The following ITFG1 variants were observed in gnomAD, a reference collection of about 807,000 sequenced individuals.
ITFG1 encodes the protein T-cell immunomodulatory protein.
Under a neutral mutation model 81.8 loss-of-function variants are expected in ITFG1, and 34 were observed. That is an observed-to-expected ratio of 0.42 (90% CI 0.32 to 0.55). The LOEUF (loss-of-function observed/expected upper bound fraction) is 0.55, where lower values mean the gene tolerates loss of function less well. Ranked by LOEUF, ITFG1 falls within the 20% of genes least tolerant of loss-of-function variation. The pLI is 0.17. For synonymous variants in ITFG1, 285 were observed against 270.6 expected, an observed-to-expected ratio of 1.05 and a Z score of -0.52; for missense variants, 672 against 755.4, an observed-to-expected ratio of 0.89 and a Z score of 1.29.
At chr16:47,264,352 C>T (rs1966248608) in intron 10 of ITFG1, among the ~76,000 whole-genome samples, 1 of 152,030 alleles carries the variant, frequency 6.6e-6, no homozygotes, top group African/African-American at 2.4e-5. Context: ...TGACTGAAGA[C>T]TTTTGATCCC....
intron 14 of ITFG1, among the ~76,000 whole-genome samples, chr16:47,175,697 G>A (rs1244243723): frequency 1.3e-5 from 2 of 152,116 alleles, no homozygotes; most frequent in Non-Finnish European, 1.5e-5. Flanking sequence ...TCTGGGAATC[G>A]GGAACATTGT....
intron 8 of ITFG1, among the ~76,000 whole-genome samples, chr16:47,356,784 G>T (rs761904075): frequency 2.0e-5 from 3 of 152,164 alleles, no homozygotes; most frequent in Non-Finnish European, 2.9e-5. Flanking sequence ...GAGTTACGGA[G>T]GGGAAAATAT....
At chr16:47,408,285 A>C (rs1968754983) in intron 6 of ITFG1, among the ~76,000 whole-genome samples, 1 of 152,210 alleles carries the variant, frequency 6.6e-6, no homozygotes, top group Non-Finnish European at 1.5e-5. Flanking sequence ...AGAAATTTTC[A>C]GGTTATGTTT....
At chr16:47,398,222 T>C (rs1227125892) in intron 6 of ITFG1, among the ~76,000 whole-genome samples, 1 of 151,976 alleles carries the variant, frequency 6.6e-6, no homozygotes, top group South Asian at 2.1e-4. Flanking sequence ...ATTTCCTCTG[T>C]CTTCATCCCC....
In ITFG1 at chr16:47,412,063, C is replaced by T. The variant is rs11864218; in HGVS notation, c.655+16741G>A. The stretch of plus-strand genomic sequence containing the variant: ...AAACAAAGCCAATATTCAACTTAAA[C>T]CACAGTCAAACCCTCAAGGGAAATA... On this transcript the variant is annotated intron_variant, in intron 6 of 17. Transcript: ENST00000320640. Among the ~76,000 whole-genome samples, 1,141 of 152,234 alleles carry T rather than the reference C, an allele frequency of 7.5e-3. 19 individuals carry two copies. The highest frequency in any genetic ancestry group is 0.026 in the African/African-American group (1,081 of 41,522).
intron 5 of ITFG1, among the ~76,000 whole-genome samples, chr16:47,438,644 C>T (rs1202401068): frequency 6.6e-6 from 1 of 152,054 alleles, no homozygotes; most frequent in Non-Finnish European, 1.5e-5. Flanking sequence ...AGAAGGGAAA[C>T]TAACAAACAG....
intron 14 of ITFG1, among the ~76,000 whole-genome samples, chr16:47,185,099 C>T (rs1372945694): frequency 6.6e-6 from 1 of 151,788 alleles, no homozygotes; most frequent in Non-Finnish European, 1.5e-5. Context: ...TATATATGCA[C>T]CCAATACAGG....
At chr16:47,351,445 T>G (rs1052294142) in intron 8 of ITFG1, among the ~76,000 whole-genome samples, 1 of 152,116 alleles carries the variant, frequency 6.6e-6, no homozygotes, top group Non-Finnish European at 1.5e-5. Context: ...AAATCATGAG[T>G]GAACTCCCAT....
chr16:47,200,108 G>A (rs963794530), intron 14 of ITFG1, among the ~76,000 whole-genome samples: 2 of 152,198 alleles, frequency 1.3e-5, no homozygotes, highest in Non-Finnish European at 2.9e-5. Flanking sequence ...GACCCATACG[G>A]TCCAGGGGGT....
At position 47,258,616 on chromosome 16, in the gene ITFG1, T is replaced by G. The variant is rs1207383223; in HGVS notation, c.1330+16A>C. ...AAGAGAAAGAGAACAAAATTAAATG[T>G]TAGTACTTTACTCACCAATAACTTT... On this transcript the variant is annotated intron_variant, in intron 12 of 17. Coordinates refer to ENST00000320640, the MANE Select transcript of ITFG1 (RefSeq NM_030790.5). 4 of 1,089,312 alleles carry G rather than the reference T, an allele frequency of 3.7e-6. No individual in the cohort carries two copies. Among genetic ancestry groups the G allele is most frequent in the African/African-American group, 1.6e-5 (1 of 63,912 alleles). The allele number at this position is 1,089,312 out of a possible 1,614,324, so 67.5% of individuals were successfully genotyped here.
intron 6 of ITFG1, among the ~76,000 whole-genome samples, chr16:47,397,004 A>G (rs541909753): frequency 8.7e-4 from 132 of 152,340 alleles, no homozygotes; most frequent in Non-Finnish European, 1.7e-3. Context: ...CCAGTGAACT[A>G]GAAATTGATA....
At chr16:47,461,065 C>A, upstream of ITFG1, 1 of 1,515,116 alleles carries the variant, frequency 6.6e-7, no homozygotes, top group South Asian at 1.2e-5. Flanking sequence ...TCAGCCCCCG[C>A]CCGCCGGCCC....
intron 6 of ITFG1, among the ~76,000 whole-genome samples, chr16:47,403,228 CTT>C (rs77676044): frequency 4.5e-4 from 62 of 139,068 alleles, no homozygotes; most frequent in Non-Finnish European, 4.4e-4. Flanking sequence ...GGTTACCTAC[CTT>C]TTTTTTTTTT....
intron 14 of ITFG1, among the ~76,000 whole-genome samples, chr16:47,185,771 G>C (rs1317319028): frequency 6.6e-6 from 1 of 152,158 alleles, no homozygotes; most frequent in Non-Finnish European, 1.5e-5. Flanking sequence ...GAGCAGAACT[G>C]AAGGAAATAG....
intron 2 of ITFG1, among the ~76,000 whole-genome samples, chr16:47,456,157 G>A (rs1333728928): frequency 6.6e-6 from 1 of 152,064 alleles, no homozygotes; most frequent in Non-Finnish European, 1.5e-5. Flanking sequence ...CTATGACTGT[G>A]TGACTGCACT....
At chr16:47,196,986 C>A (rs1567420695) in intron 14 of ITFG1, among the ~76,000 whole-genome samples, 1 of 152,068 alleles carries the variant, frequency 6.6e-6, no homozygotes, top group African/African-American at 2.4e-5. Flanking sequence ...CTAAGGCTGA[C>A]AAAACACTCT....
chr16:47,327,460 C>G (rs576527819), intron 8 of ITFG1, among the ~76,000 whole-genome samples: 1 of 152,024 alleles, frequency 6.6e-6, no homozygotes, highest in African/African-American at 2.4e-5. Context: ...GCAACAAAAG[C>G]CAAAATTGAC....
chr16:47,289,700 T>C lies in ITFG1; in HGVS notation c.1070+21540A>G, dbSNP rs545583588. ...TGTGATATCAATTTTAATGTCTCCC[T>C]TTCCTTTTTGATTTTATTTATTGGG... On this transcript the variant is annotated intron_variant, in intron 10 of 17. Coordinates refer to ENST00000320640, the MANE Select transcript of ITFG1 (RefSeq NM_030790.5). 8.9e-4 allele frequency among the ~76,000 whole-genome samples: 135 copies of C among 152,260 alleles called. 2 individuals carry two copies. The Middle Eastern group carries it at 0.024, about 27-fold the overall frequency.
intron 10 of ITFG1, among the ~76,000 whole-genome samples, chr16:47,270,801 C>T (rs1228428783): frequency 6.6e-6 from 1 of 152,134 alleles, no homozygotes; most frequent in Non-Finnish European, 1.5e-5. Context: ...AAAACCCAGA[C>T]ATAAAGGAAC....
Sources: allele counts gnomAD v4.1 joint callset (sites outside exome capture counted in the v4.1 genomes callset), GRCh38; gene constraint gnomAD v4.1.1; transcripts MANE v1.5; gene names NCBI Gene and HGNC (gene_info 2026-07-23, HGNC 2026-07-21).